The following ERC2 variants were observed in gnomAD, a reference collection of about 807,000 sequenced individuals.
ERC2 encodes the protein ERC protein 2.
A neutral mutation model predicts 114.8 loss-of-function variants in ERC2; 42 were observed. That is an observed-to-expected ratio of 0.37 (90% CI 0.29 to 0.47). The LOEUF (loss-of-function observed/expected upper bound fraction) is 0.47. Among genes scored for constraint, ERC2 ranks in the 20% least tolerant of loss-of-function variants. ERC2 has a pLI of 0.99. For missense variants in ERC2, 939 were observed against 1,150.7 expected (o/e 0.82, Z 2.66); for synonymous variants, 454 against 425.5 (o/e 1.07, Z -0.82).
At chr3:56,115,481 C>T (rs1049010108) in intron 6 of ERC2, among the ~76,000 whole-genome samples, 9 of 152,108 alleles carry the variant, frequency 5.9e-5, no homozygotes, top group African/African-American at 1.9e-4. Flanking sequence ...AAGGGCTTAT[C>T]ACAGGTAACA....
chr3:56,038,329 A>G (rs949078393), intron 7 of ERC2, among the ~76,000 whole-genome samples: 4 of 152,218 alleles, frequency 2.6e-5, no homozygotes, highest in African/African-American at 9.6e-5. Flanking sequence ...AACATATGAA[A>G]AAAAGCTCAA....
chr3:56,137,447 G>T (rs1324309453), intron 6 of ERC2, among the ~76,000 whole-genome samples: 1 of 152,196 alleles, frequency 6.6e-6, no homozygotes, highest in Non-Finnish European at 1.5e-5. Flanking sequence ...GACTAGCTGG[G>T]CATTCCAATG....
intron 17 of ERC2, among the ~76,000 whole-genome samples, chr3:55,605,275 C>G (rs1017591652): frequency 6.6e-6 from 1 of 152,072 alleles, no homozygotes; most frequent in Admixed American, 6.5e-5. Flanking sequence ...ACCACCATGC[C>G]TAGCCAATTA....
At position 55,818,705 on chromosome 3, in the gene ERC2, A is replaced by G. The variant is rs116110788; in HGVS notation, c.2564+69684T>C. Among the ~76,000 whole-genome samples, 461 of 152,332 alleles carry G rather than the reference A, an allele frequency of 3.0e-3. 4 individuals are homozygous for G. The highest frequency in any genetic ancestry group is 0.011 in the African/African-American group (439 of 41,570). ...GGTGCTACGTGTGTGCAATGTGACA[A>G]GGCAGCTGAAGCACTTAGCACAATG... On this transcript the variant is annotated intron_variant, in intron 14 of 17. Coordinates refer to ENST00000288221, the MANE Select transcript of ERC2 (RefSeq NM_015576.3).
chr3:55,569,801 G>T (rs1315698007), intron 17 of ERC2, among the ~76,000 whole-genome samples: 7 of 151,166 alleles, frequency 4.6e-5, no homozygotes, highest in African/African-American at 1.7e-4. Context: ...GGTGTCCAAA[G>T]TTTGGGGATA....
intron 13 of ERC2, among the ~76,000 whole-genome samples, chr3:55,904,965 G>C (rs953101141): frequency 2.0e-5 from 3 of 152,208 alleles, no homozygotes; most frequent in Non-Finnish European, 4.4e-5. Flanking sequence ...GTGAGCATGG[G>C]AAGAGCATTT....
chr3:55,771,195 G>A (rs987223456), intron 14 of ERC2, among the ~76,000 whole-genome samples: 5 of 152,038 alleles, frequency 3.3e-5, no homozygotes, highest in African/African-American at 1.2e-4. Flanking sequence ...GGTATTTCTG[G>A]TTCTAGATCC....
chr3:55,627,342 T>C (rs1214971673), intron 17 of ERC2, among the ~76,000 whole-genome samples: 1 of 152,110 alleles, frequency 6.6e-6, no homozygotes, highest in Non-Finnish European at 1.5e-5. Flanking sequence ...GGTGGGTGAC[T>C]GTAATCCCAG....
chr3:55,785,350 G>C (rs966646083), intron 14 of ERC2, among the ~76,000 whole-genome samples: 4 of 152,186 alleles, frequency 2.6e-5, no homozygotes, highest in African/African-American at 9.7e-5. Context: ...GAAAACAGAT[G>C]CTGTTGAACT....
At chr3:56,353,549 G>A (rs946660065) in intron 2 of ERC2, among the ~76,000 whole-genome samples, 4 of 149,980 alleles carry the variant, frequency 2.7e-5, no homozygotes, top group South Asian at 2.1e-4. Context: ...GCAAACTATC[G>A]CAAGGACAAA....
intron 17 of ERC2, among the ~76,000 whole-genome samples, chr3:55,615,888 G>A (rs749273896): frequency 2.0e-5 from 3 of 152,134 alleles, no homozygotes; most frequent in East Asian, 3.9e-4. Context: ...ATCCTCTTTC[G>A]GGTAAGAGGC....
At chr3:55,586,395 A>G (rs528001814) in intron 17 of ERC2, among the ~76,000 whole-genome samples, 2 of 152,248 alleles carry the variant, frequency 1.3e-5, no homozygotes, top group South Asian at 2.1e-4. Context: ...CTATTTGACT[A>G]TGATAGCAGA....
intron 2 of ERC2, among the ~76,000 whole-genome samples, chr3:56,343,468 A>G (rs1363784653): frequency 6.6e-6 from 1 of 151,856 alleles, no homozygotes; most frequent in Admixed American, 6.6e-5. Context: ...AAAAAAAAAA[A>G]TTAGCCAGGT....
In ERC2 at chr3:56,339,320, G is replaced by A. The variant is rs1000017525; in HGVS notation, c.658-42885C>T. Among the ~76,000 whole-genome samples the A allele has an allele frequency of 6.0e-4, 92 of 152,120 alleles. 1 individual carries two copies. Among genetic ancestry groups the A allele is most frequent in the Non-Finnish European group, 2.9e-5 (2 of 68,036 alleles). On this transcript the variant is annotated intron_variant, in intron 2 of 17. Coordinates refer to ENST00000288221, the MANE Select transcript of ERC2 (RefSeq NM_015576.3). ...AAGAGTTTCTGAGGAGGTGAACTAT[G>A]GAATGCTTTGGTTTCATCAGGGGAA... is the stretch of plus-strand genomic sequence containing the variant.
intron 17 of ERC2, among the ~76,000 whole-genome samples, chr3:55,544,173 G>T (rs1235204349): frequency 6.6e-6 from 1 of 152,134 alleles, no homozygotes; most frequent in Admixed American, 6.5e-5. Context: ...CCCTCTTCAA[G>T]CACCTAAGTC....
At chr3:56,141,697 G>T (rs2149923097) in intron 5 of ERC2, among the ~76,000 whole-genome samples, 1 of 152,046 alleles carries the variant, frequency 6.6e-6, no homozygotes, top group South Asian at 2.1e-4. Context: ...TATATCTCAT[G>T]GTTTATCGCC....
chr3:55,852,242 A>G (rs2061605313), intron 14 of ERC2, among the ~76,000 whole-genome samples: 1 of 152,172 alleles, frequency 6.6e-6, no homozygotes, highest in Non-Finnish European at 1.5e-5. Context: ...AAACAAAAAA[A>G]CTGATGTAGT....
chr3:56,222,018 T>G (rs1017018993), intron 3 of ERC2, among the ~76,000 whole-genome samples: 2 of 152,224 alleles, frequency 1.3e-5, no homozygotes, highest in African/African-American at 4.8e-5. Context: ...AAGAAGTAAT[T>G]GATGACTCAG....
chr3:55,603,643 CA>C (rs34016147), intron 17 of ERC2, among the ~76,000 whole-genome samples: 2,536 of 67,414 alleles, frequency 0.038, 47 homozygotes, highest in African/African-American at 0.12. Context: ...GACTCTGTCT[CA>C]AAAAAAAAAA....
Sources: allele counts gnomAD v4.1 joint callset (sites outside exome capture counted in the v4.1 genomes callset), GRCh38; gene constraint gnomAD v4.1.1; transcripts MANE v1.5; gene names NCBI Gene and HGNC (gene_info 2026-07-23, HGNC 2026-07-21).